The following PLAAT3 variants were observed in gnomAD, a reference collection of about 807,000 sequenced individuals.
The protein encoded by PLAAT3 is Ca-independent phospholipase A1/2.
A neutral mutation model predicts 16.7 loss-of-function variants in PLAAT3; 21 were observed. That is an observed-to-expected ratio of 1.26 (90% CI 0.89 to 1.81). PLAAT3 has a LOEUF of 1.81. Among genes scored for constraint, PLAAT3 ranks in the 40% most tolerant of loss-of-function variants. The pLI is 0.00. For synonymous variants in PLAAT3, 76 were observed against 81.7 expected (o/e 0.93, Z 0.38); for missense variants, 219 against 213.7 (o/e 1.02, Z -0.16).
chr11:63,614,688 G>C (rs1037520498), upstream of PLAAT3, among the ~76,000 whole-genome samples: 3 of 151,998 alleles, frequency 2.0e-5, no homozygotes, highest in Non-Finnish European at 4.4e-5. Context: ...ACTCAAGAAT[G>C]GGCTTATAGT....
intron 3 of PLAAT3, among the ~76,000 whole-genome samples, chr11:63,597,737 A>G (rs1302780233): frequency 2.6e-5 from 4 of 152,054 alleles, no homozygotes; most frequent in African/African-American, 9.7e-5. Flanking sequence ...AGCGATGGGG[A>G]GCAGCTGCAA....
intron 2 of PLAAT3, chr11:63,598,619 C>A: frequency 2.0e-6 from 1 of 496,038 alleles, no homozygotes; most frequent in Non-Finnish European, 4.0e-6. Context: ...AGTGACTTGG[C>A]CAGGACTGAA....
upstream of PLAAT3, among the ~76,000 whole-genome samples, chr11:63,614,703 A>G (rs1488663566): frequency 1.3e-5 from 2 of 151,956 alleles, no homozygotes; most frequent in Non-Finnish European, 1.5e-5. Flanking sequence ...TATAGTTTAA[A>G]AACTGAAGGA....
intron 4 of PLAAT3, among the ~76,000 whole-genome samples, chr11:63,576,285 CT>C (rs983217389): frequency 4.0e-5 from 6 of 151,538 alleles, no homozygotes; most frequent in Middle Eastern, 3.4e-3. Flanking sequence ...CAAACCCCCA[CT>C]TTTTTTTTGA....
chr11:63,578,062 T>A (rs1260478575), intron 4 of PLAAT3, among the ~76,000 whole-genome samples: 1 of 152,038 alleles, frequency 6.6e-6, no homozygotes, highest in Non-Finnish European at 1.5e-5. Context: ...GCAGGCAGAT[T>A]GCTTGAGCTC....
chr11:63,612,353 G>GC (rs35942992), intron 2 of PLAAT3, among the ~76,000 whole-genome samples: 141,014 of 152,186 alleles, frequency 0.93, 66,297 homozygotes, highest in East Asian at 1. Flanking sequence ...TATTTAAGCT[G>GC]TAGAACTGAT....
intron 4 of PLAAT3, among the ~76,000 whole-genome samples, chr11:63,586,827 TA>T (rs1193680483): frequency 6.6e-6 from 1 of 152,234 alleles, no homozygotes; most frequent in Non-Finnish European, 1.5e-5. Context: ...CTCACGCCTG[TA>T]ATCTTAGCAC....
At chr11:63,585,147 C>T (rs1041614005) in intron 4 of PLAAT3, among the ~76,000 whole-genome samples, 1 of 151,932 alleles carries the variant, frequency 6.6e-6, no homozygotes, top group Non-Finnish European at 1.5e-5. Flanking sequence ...GCCTCAGCCT[C>T]CCGAGTAGCC....
At chr11:63,597,647 T>G (rs1323882451) in intron 3 of PLAAT3, among the ~76,000 whole-genome samples, 1 of 152,178 alleles carries the variant, frequency 6.6e-6, no homozygotes, top group East Asian at 1.9e-4. Flanking sequence ...GCGTGTGCAG[T>G]TCACAGTAGG....
At chr11:63,596,952 C>T (rs757843927) in intron 3 of PLAAT3, among the ~76,000 whole-genome samples, 17 of 151,862 alleles carry the variant, frequency 1.1e-4, no homozygotes, top group Non-Finnish European at 2.1e-4. Flanking sequence ...AAAAATTAGT[C>T]GGGCGTGGTG....
intron 4 of PLAAT3, among the ~76,000 whole-genome samples, chr11:63,578,697 C>T (rs1417468253): frequency 1.3e-5 from 2 of 151,690 alleles, no homozygotes; most frequent in South Asian, 2.1e-4. Context: ...GGATCCCTTC[C>T]TTACACCTTA....
rs56081443 is a variant in PLAAT3, at chr11:63,596,237, CAAAAAAAAAAAAAA to C, written c.118+1810_118+1823del. On this transcript the variant is annotated intron_variant, in intron 3 of 4. Coordinates refer to ENST00000415826, the MANE Select transcript of PLAAT3 (RefSeq NM_001128203.2). ...CCTGGGCGACAGAGCGAGACTCTGT[CAAAAAAAAAAAAAA>C]AAAAAAAAAAAAAGAGTTGAGTGTG... is the stretch of plus-strand genomic sequence containing the variant. 6.4e-4 allele frequency among the ~76,000 whole-genome samples: 26 copies of C among 40,724 alleles called. No homozygotes were observed. In the East Asian group the frequency reaches 0.018, roughly 28 times the overall value. 26.7% of individuals were successfully genotyped at this position (40,724 alleles called of 152,430 possible).
At chr11:63,591,321 G>T (rs1938146939) in intron 3 of PLAAT3, among the ~76,000 whole-genome samples, 1 of 152,236 alleles carries the variant, frequency 6.6e-6, no homozygotes, top group Non-Finnish European at 1.5e-5. Flanking sequence ...GGTTTAGGTT[G>T]CAGTCAGCTG....
chr11:63,591,739 T>C (rs1421565951), intron 3 of PLAAT3, among the ~76,000 whole-genome samples: 2 of 152,248 alleles, frequency 1.3e-5, no homozygotes, highest in African/African-American at 4.8e-5. Context: ...ACGTGAAGCT[T>C]GGAAGATTCA....
intron 3 of PLAAT3, among the ~76,000 whole-genome samples, chr11:63,593,715 G>A (rs946199453): frequency 2.6e-5 from 4 of 152,010 alleles, no homozygotes; most frequent in African/African-American, 7.2e-5. Context: ...AAGTAGATAG[G>A]ACTACAGTGG....
intron 3 of PLAAT3, among the ~76,000 whole-genome samples, chr11:63,594,054 T>A (rs757721234): frequency 6.6e-6 from 1 of 152,204 alleles, no homozygotes; most frequent in Non-Finnish European, 1.5e-5. Context: ...AGCTGGGGTC[T>A]GTTTCAGAGA....
chr11:63,605,907 G>A (rs1024917072), intron 2 of PLAAT3, among the ~76,000 whole-genome samples: 1 of 152,046 alleles, frequency 6.6e-6, no homozygotes, highest in African/African-American at 2.4e-5. Context: ...AGTCCCAAGC[G>A]ATGTCAGGGC....
At chr11:63,583,856 A>G (rs1377837523) in intron 4 of PLAAT3, among the ~76,000 whole-genome samples, 2 of 152,152 alleles carry the variant, frequency 1.3e-5, no homozygotes, top group African/African-American at 4.8e-5. Context: ...AGACATTTAT[A>G]CTACAAAGCT....
intron 2 of PLAAT3, among the ~76,000 whole-genome samples, chr11:63,606,152 G>A (rs1383325571): frequency 6.6e-6 from 1 of 152,112 alleles, no homozygotes; most frequent in Non-Finnish European, 1.5e-5. Context: ...ACCTTGGGAG[G>A]ATGCCCACCT....
Sources: allele counts gnomAD v4.1 joint callset (sites outside exome capture counted in the v4.1 genomes callset), GRCh38; gene constraint gnomAD v4.1.1; transcripts MANE v1.5; gene names NCBI Gene and HGNC (gene_info 2026-07-23, HGNC 2026-07-21).